SAMSN1: variants seen among roughly 807,000 people sequenced by gnomAD.
SAMSN1 encodes the protein SAM domain, SH3 domain and nuclear localization signals 1, also known as SAM domain-containing protein SAMSN-1.
Under a neutral mutation model 42.0 loss-of-function variants are expected in SAMSN1, and 31 were observed. The ratio of observed to expected loss-of-function variants is 0.74; its 90% CI spans 0.55 to 1.00. SAMSN1 has a LOEUF of 1.00. SAMSN1 is among the 50% of genes least tolerant of loss of function. SAMSN1 has a pLI of 0.00. For synonymous variants in SAMSN1, 178 were observed against 151.9 expected (o/e 1.17, Z -1.26); for missense variants, 464 against 439.4 (o/e 1.06, Z -0.50).
At chr21:14,522,476 A>C (rs929288730) in intron 1 of SAMSN1, among the ~76,000 whole-genome samples, 1 of 152,206 alleles carries the variant, frequency 6.6e-6, no homozygotes, top group African/African-American at 2.4e-5. Context: ...ATAATCTGGT[A>C]ATTTAGAAAA....
In SAMSN1 at chr21:14,516,986, T is replaced by A; in HGVS notation, c.185A>T (p.Asn62Ile). The change falls in exon 3 of 8, where the codon AAT becomes ATT. Residue 62 changes from asparagine to isoleucine, a missense_variant. Coordinates refer to ENST00000400566, the MANE Select transcript of SAMSN1 (RefSeq NM_022136.5). ...GSGEQSKTSN[N>I]GGGLGKKMRA... ...CATTTTTTTACCCAAACCGCCTCCA[T>A]TATTTGAAGTTTTACTTTGTTCTCC... 6.2e-7 allele frequency: 1 copy of A among 1,613,396 alleles called. No individual in the cohort carries two copies. The highest frequency in any genetic ancestry group is 8.5e-7 in the Non-Finnish European group (1 of 1,179,556).
intron 1 of SAMSN1, among the ~76,000 whole-genome samples, chr21:14,643,597 A>G (rs959741864): frequency 5.9e-5 from 9 of 152,210 alleles, no homozygotes; most frequent in Admixed American, 5.9e-4. Flanking sequence ...TTTCAATGGC[A>G]GAGGAGGCGA....
At chr21:14,558,698 A>AAAC (rs139708204) in intron 2 of SAMSN1, among the ~76,000 whole-genome samples, 5,917 of 151,842 alleles carry the variant, frequency 0.039, 156 homozygotes, top group African/African-American at 0.069. Flanking sequence ...ACAAAAACAA[A>AAAC]AACAACAACA....
chr21:14,552,509 C>G (rs1350907069), intron 2 of SAMSN1, among the ~76,000 whole-genome samples: 1 of 152,062 alleles, frequency 6.6e-6, no homozygotes, highest in African/African-American at 2.4e-5. Context: ...ACTTTTCCAC[C>G]ATGTGAAGAC....
rs114446429 is a variant in SAMSN1 at position 14,526,780 on chromosome 21, T to C, written c.58-5559A>G. ...AAAAATTACGGCAAAGTTAGTTTGA[T>C]AGAAAGAATGAAACTAACTCGGTTT... On this transcript the variant is annotated intron_variant, in intron 1 of 7. Transcript: ENST00000400566. Among the ~76,000 whole-genome samples, 667 of 152,334 alleles carry C rather than the reference T, an allele frequency of 4.4e-3. 8 individuals are homozygous for C. Among genetic ancestry groups the C allele is most frequent in the African/African-American group, 0.015 (630 of 41,578 alleles).
At chr21:14,575,315 TAA>T (rs1415248707) in intron 2 of SAMSN1, among the ~76,000 whole-genome samples, 1 of 152,228 alleles carries the variant, frequency 6.6e-6, no homozygotes, top group East Asian at 1.9e-4. Flanking sequence ...TTGCTCACCT[TAA>T]GTTTATAAAA....
intron 2 of SAMSN1, among the ~76,000 whole-genome samples, chr21:14,567,234 A>C (rs577283834): frequency 6.6e-6 from 1 of 152,146 alleles, no homozygotes; most frequent in East Asian, 1.9e-4. Context: ...AGTAGCCATA[A>C]ATAAGAGGAA....
At chr21:14,564,381 T>C (rs1232773455) in intron 2 of SAMSN1, among the ~76,000 whole-genome samples, 2 of 152,170 alleles carry the variant, frequency 1.3e-5, no homozygotes, top group African/African-American at 4.8e-5. Context: ...TTATTGATAA[T>C]CTGCTATAGA....
chr21:14,524,903 AT>A (rs1393287803), intron 1 of SAMSN1, among the ~76,000 whole-genome samples: 5 of 152,208 alleles, frequency 3.3e-5, no homozygotes, highest in African/African-American at 1.2e-4. Context: ...GTTCATAAGG[AT>A]ACTAAAAAGA....
intron 7 of SAMSN1, among the ~76,000 whole-genome samples, chr21:14,588,541 T>A (rs1358596454): frequency 2.0e-5 from 3 of 152,146 alleles, no homozygotes; most frequent in South Asian, 4.2e-4. Context: ...TGCATAAATG[T>A]CTTCTTTTGA....
At chr21:14,551,801 A>G (rs185590716) in intron 2 of SAMSN1, among the ~76,000 whole-genome samples, 7 of 152,214 alleles carry the variant, frequency 4.6e-5, no homozygotes, top group Admixed American at 3.9e-4. Flanking sequence ...TACTAATATT[A>G]TCATTCTCAG....
chr21:14,617,530 T>C (rs1982870593), intron 2 of SAMSN1, among the ~76,000 whole-genome samples: 1 of 152,158 alleles, frequency 6.6e-6, no homozygotes, highest in East Asian at 1.9e-4. Context: ...ACAAGCAAGC[T>C]CCATGTTCCA....
At chr21:14,619,041 G>A (rs1202676102) in intron 2 of SAMSN1, among the ~76,000 whole-genome samples, 1 of 152,128 alleles carries the variant, frequency 6.6e-6, no homozygotes, top group Non-Finnish European at 1.5e-5. Context: ...AGGTAAATGA[G>A]GGTAGACTCT....
intron 1 of SAMSN1, among the ~76,000 whole-genome samples, chr21:14,654,293 G>T (rs60421626): frequency 0.092 from 14,030 of 151,968 alleles, 755 homozygotes; most frequent in Admixed American, 0.19. Flanking sequence ...TGCTGTTTCC[G>T]CTTTTAAGTA....
At chr21:14,552,607 C>T (rs562804667) in intron 2 of SAMSN1, among the ~76,000 whole-genome samples, 41 of 152,216 alleles carry the variant, frequency 2.7e-4, no homozygotes, top group Non-Finnish European at 4.9e-4. Flanking sequence ...ACTTCCCAGC[C>T]TCTAAACTGT....
chr21:14,614,704 G>C (rs908679577), intron 3 of SAMSN1, among the ~76,000 whole-genome samples: 2 of 152,016 alleles, frequency 1.3e-5, no homozygotes, highest in African/African-American at 4.8e-5. Flanking sequence ...AAAATGCTTA[G>C]GACATCTCTT....
chr21:14,516,813 C>G (rs1987938927), intron 3 of SAMSN1, 79 bp downstream of exon 3: 1 of 1,190,836 alleles, frequency 8.4e-7, no homozygotes, highest in Admixed American at 2.6e-5. Flanking sequence ...CATAAAGTAC[C>G]AAGCACTTCT....
intron 1 of SAMSN1, among the ~76,000 whole-genome samples, chr21:14,645,540 A>T (rs1022528642): frequency 7.2e-5 from 11 of 152,248 alleles, no homozygotes; most frequent in African/African-American, 2.7e-4. Flanking sequence ...CTCAAGAGGG[A>T]CAGCTACAAA....
At chr21:14,572,766 G>A (rs779234248) in intron 2 of SAMSN1, among the ~76,000 whole-genome samples, 1 of 152,132 alleles carries the variant, frequency 6.6e-6, no homozygotes, top group African/African-American at 2.4e-5. Context: ...ATTTCATACT[G>A]CAAGCTGGGA....
Sources: allele counts gnomAD v4.1 joint callset (sites outside exome capture counted in the v4.1 genomes callset), GRCh38; gene constraint gnomAD v4.1.1; transcripts MANE v1.5; gene names NCBI Gene and HGNC (gene_info 2026-07-23, HGNC 2026-07-21).